Variants in SF3A3 observed in about 807,000 individuals in gnomAD.
SF3A3 encodes the protein SAP 61.
A neutral mutation model predicts 85.8 loss-of-function variants in SF3A3; 9 were observed. The ratio of observed to expected loss-of-function variants is 0.10; its 90% CI spans 0.06 to 0.18. SF3A3 has a LOEUF of 0.18. SF3A3 is among the 10% of genes least tolerant of loss of function. The pLI is 1.00. For missense variants in SF3A3, 306 were observed against 593.3 expected (o/e 0.52, Z 5.03); for synonymous variants, 195 against 204.4 (o/e 0.95, Z 0.39).
At chr1:37,967,847 A>G (rs1418238096) in intron 15 of SF3A3, among the ~76,000 whole-genome samples, 197 bp downstream of exon 15, 1 of 152,100 alleles carries the variant, frequency 6.6e-6, no homozygotes, top group Non-Finnish European at 1.5e-5. Context: ...CGACAGAGCG[A>G]GACTCCATCC....
Position 37,968,044 on chromosome 1 carries a change from A to G in SF3A3, c.1372T>C (p.Leu458=), listed in dbSNP as rs997768691. Residue 458 remains leucine, a splice_region_variant and synonymous_variant, in exon 15 of 17, where the codon TTG becomes CTG. Coordinates refer to ENST00000373019, the MANE Select transcript of SF3A3 (RefSeq NM_006802.4). ...NVTQIEDAVS[L]WAKLKLQKAS... ...GAGACAGTAAATAAATCTTACTTAC[A>G]GGAGACAGCATCTTCAATCTGTGTC... is the stretch of plus-strand genomic sequence containing the variant. 4 of 1,600,076 alleles carry G rather than the reference A, an allele frequency of 2.5e-6. No individual in the cohort carries two copies. The Admixed American group carries it at 6.7e-5, about 27-fold the overall frequency.
intron 16 of SF3A3, among the ~76,000 whole-genome samples, chr1:37,959,723 G>A (rs183280065): frequency 2.6e-5 from 4 of 152,146 alleles, no homozygotes; most frequent in East Asian, 3.9e-4. Flanking sequence ...GACTACAGGC[G>A]TGCATGGGTG....
intron 14 of SF3A3, 93 bp downstream of exon 14, chr1:37,969,261 A>G: frequency 1.1e-6 from 1 of 880,656 alleles, no homozygotes; most frequent in South Asian, 1.4e-5. Flanking sequence ...AGCTCTGGAC[A>G]CCAGTGGTCC....
intron 12 of SF3A3, among the ~76,000 whole-genome samples, chr1:37,971,886 C>A (rs938584861): frequency 6.6e-6 from 1 of 152,108 alleles, no homozygotes; most frequent in East Asian, 1.9e-4. Context: ...TATGACAAAC[C>A]CACAGCCAAT....
chr1:37,960,255 C>A, intron 15 of SF3A3, 80 bp from the exon 16 acceptor site: 1 of 1,303,892 alleles, frequency 7.7e-7, no homozygotes, highest in Non-Finnish European at 1.1e-6. Context: ...TCTCTCCCTG[C>A]CATTAGGATG....
intron 12 of SF3A3, among the ~76,000 whole-genome samples, chr1:37,973,802 G>C (rs567280504): frequency 5.3e-5 from 8 of 152,254 alleles, no homozygotes; most frequent in Non-Finnish European, 8.8e-5. Flanking sequence ...TGCAGCACTA[G>C]TCACAATAAT....
At chr1:37,978,336 C>CA (rs370121360) in intron 11 of SF3A3, among the ~76,000 whole-genome samples, 2,887 of 74,772 alleles carry the variant, frequency 0.039, 50 homozygotes, top group African/African-American at 0.093. Context: ...GAGACTGTCT[C>CA]AAAAAAAAAA....
At chr1:37,967,408 G>C (rs1646309316) in intron 15 of SF3A3, among the ~76,000 whole-genome samples, 1 of 151,828 alleles carries the variant, frequency 6.6e-6, no homozygotes. Context: ...AGCCAGGTGT[G>C]GCGGCTCATG....
chr1:37,962,285 CAAAAAAAAAAAAAAAAAAAAAAAA>C (rs10559284), intron 15 of SF3A3, among the ~76,000 whole-genome samples: 2 of 26,512 alleles, frequency 7.5e-5, no homozygotes, highest in East Asian at 1.8e-3. Flanking sequence ...GCGAGACTGT[CAAAAAAAAAAAAAAAAAAAAAAAA>C]AAAAAAAAAA....
chr1:37,960,461 A>C lies in SF3A3; in HGVS notation c.1373-286T>G, dbSNP rs925989736. On this transcript the variant is annotated intron_variant, in intron 15 of 16. Coordinates refer to ENST00000373019, the MANE Select transcript of SF3A3 (RefSeq NM_006802.4). ...CTCTTGAAGGAGGTTAATGTGGAAC[A>C]ACCTATGAGAATAATGGGGAAAGTG... 3.4e-5 allele frequency: 13 copies of C among 384,100 alleles called. No individual in the cohort carries two copies. In the Admixed American group the frequency reaches 3.5e-4, roughly 10 times the overall value. 23.8% of individuals were successfully genotyped at this position (384,100 alleles called of 1,614,324 possible). A position where few individuals can be genotyped will look rare whatever the true frequency, so the allele number is the denominator to read the frequency against.
At chr1:37,966,218 TA>T (rs1319215882) in intron 15 of SF3A3, among the ~76,000 whole-genome samples, 2 of 144,450 alleles carry the variant, frequency 1.4e-5, no homozygotes, top group Non-Finnish European at 3.0e-5. Flanking sequence ...AATAAATAAA[TA>T]AATTAATTAA....
intron 6 of SF3A3, among the ~76,000 whole-genome samples, chr1:37,982,517 T>C (rs1287643340): frequency 6.6e-6 from 1 of 152,000 alleles, no homozygotes; most frequent in East Asian, 1.9e-4. Flanking sequence ...ATTACAGGCA[T>C]GAGCCACCAT....
At chr1:37,968,515 G>A (rs2148717695) in intron 14 of SF3A3, among the ~76,000 whole-genome samples, 1 of 152,306 alleles carries the variant, frequency 6.6e-6, no homozygotes, top group South Asian at 2.1e-4. Flanking sequence ...CTAATGGCAG[G>A]TCAGCATCAT....
chr1:37,970,628 G>A (rs1023708015), intron 12 of SF3A3, among the ~76,000 whole-genome samples: 1 of 152,160 alleles, frequency 6.6e-6, no homozygotes, highest in East Asian at 1.9e-4. Context: ...CTCAGCAAAT[G>A]TAAAAGAACA....
chr1:37,964,218 G>C (rs1038101214), intron 15 of SF3A3, among the ~76,000 whole-genome samples: 2 of 152,022 alleles, frequency 1.3e-5, no homozygotes, highest in East Asian at 3.9e-4. Context: ...GTATGGCTAA[G>C]AGAACACGAT....
At position 37,982,992 on chromosome 1, in the gene SF3A3, T is replaced by C. The variant is rs529148732; in HGVS notation, c.468+1177A>G. ...TCTTGTTGCCCAGGCTGGAGTGCAA[T>C]GAATGACACAATCTCGGCTTACCGC... On this transcript the variant is annotated intron_variant, in intron 6 of 16. Coordinates refer to ENST00000373019, the MANE Select transcript of SF3A3 (RefSeq NM_006802.4). 2.4e-4 allele frequency among the ~76,000 whole-genome samples: 36 copies of C among 151,904 alleles called. 2 individuals are homozygous for C. The South Asian group carries it at 6.2e-3, about 26-fold the overall frequency.
chr1:37,978,370 G>C (rs1049880273), intron 11 of SF3A3, among the ~76,000 whole-genome samples: 19 of 151,472 alleles, frequency 1.3e-4, no homozygotes, highest in African/African-American at 4.4e-4. Flanking sequence ...AAAATACCTT[G>C]TATAAGTATG....
At chr1:37,969,287 A>T in intron 14 of SF3A3, 67 bp downstream of exon 14, 1 of 1,196,294 alleles carries the variant, frequency 8.4e-7, no homozygotes, top group Non-Finnish European at 1.2e-6. Context: ...GGCTGCTCCT[A>T]CTCTTTTCTC....
chr1:37,965,790 A>G (rs1646295377), intron 15 of SF3A3, among the ~76,000 whole-genome samples: 1 of 141,016 alleles, frequency 7.1e-6, no homozygotes, highest in African/African-American at 2.6e-5. Flanking sequence ...CCTGCTAAAC[A>G]TAACTGAGAG....
Sources: gnomAD v4.1 joint callset for allele counts (sites outside exome capture counted in the v4.1 genomes callset) on GRCh38, gnomAD v4.1.1 for gene constraint, MANE v1.5 for transcripts, NCBI Gene and HGNC (gene_info 2026-07-23, HGNC 2026-07-21) for gene names.